The following KHDRBS2 variants were observed in gnomAD, a reference collection of about 807,000 sequenced individuals.
The protein encoded by KHDRBS2 is KH RNA binding domain containing, signal transduction associated 2, also known as KH domain-containing, RNA-binding, signal transduction-associated protein 2.
In KHDRBS2, 26 loss-of-function variants were observed where a neutral mutation model predicts 44.3. That is an observed-to-expected ratio of 0.59 (90% CI 0.43 to 0.81). The LOEUF is 0.81. Among genes scored for constraint, KHDRBS2 ranks in the 40% least tolerant of loss-of-function variants. KHDRBS2 has a pLI of 0.00. For missense variants in KHDRBS2, 476 were observed against 433.1 expected, an observed-to-expected ratio of 1.10 and a Z score of -0.88; for synonymous variants, 194 against 151.1, an observed-to-expected ratio of 1.28 and a Z score of -2.08.
chr6:61,672,964 G>T, the KHDRBS2 span, among the ~76,000 whole-genome samples: 4 of 151,958 alleles, frequency 2.6e-5, no homozygotes, highest in African/African-American at 4.8e-5. Flanking sequence ...TTCTTCTAGG[G>T]TTTTTATGGT....
chr6:61,836,289 G>T (rs1792654003), intron 6 of KHDRBS2, among the ~76,000 whole-genome samples: 1 of 151,862 alleles, frequency 6.6e-6, no homozygotes, highest in African/African-American at 2.4e-5. Flanking sequence ...AACCAATGCA[G>T]GAATCTTAGT....
the KHDRBS2 span, among the ~76,000 whole-genome samples, chr6:61,560,031 C>A: frequency 6.6e-6 from 1 of 152,060 alleles, no homozygotes; most frequent in South Asian, 2.1e-4. Context: ...TTTGCTTGGG[C>A]AAATCTTTAT....
At chr6:62,135,501 T>C (rs762139744) in intron 2 of KHDRBS2, among the ~76,000 whole-genome samples, 2 of 152,204 alleles carry the variant, frequency 1.3e-5, no homozygotes, top group Non-Finnish European at 2.9e-5. Flanking sequence ...ATAGAGCTAC[T>C]GTATGACCCA....
intron 4 of KHDRBS2, among the ~76,000 whole-genome samples, chr6:61,937,511 T>G (rs1753488732): frequency 6.6e-6 from 1 of 152,210 alleles, no homozygotes; most frequent in South Asian, 2.1e-4. Context: ...TGATGTGTCT[T>G]ATGTTTATTG....
chr6:61,571,811 G>A, the KHDRBS2 span, among the ~76,000 whole-genome samples: 1 of 151,974 alleles, frequency 6.6e-6, no homozygotes, highest in Non-Finnish European at 1.5e-5. Flanking sequence ...AGCATACATT[G>A]TACAAAAGCA....
chr6:61,827,032 T>C (rs1463983319), intron 6 of KHDRBS2, among the ~76,000 whole-genome samples: 1 of 152,228 alleles, frequency 6.6e-6, no homozygotes, highest in African/African-American at 2.4e-5. Context: ...GTTTACTTCA[T>C]TAGAAAATAT....
At chr6:61,872,035 A>ATGCCTGTG (rs1798737795) in intron 6 of KHDRBS2, among the ~76,000 whole-genome samples, 1 of 152,180 alleles carries the variant, frequency 6.6e-6, no homozygotes, top group African/African-American at 2.4e-5. Flanking sequence ...TGGTGCGTGT[A>ATGCCTGTG]TGCCTGTGTA....
intron 1 of KHDRBS2, among the ~76,000 whole-genome samples, chr6:62,199,870 C>T (rs1388052060): frequency 2.0e-5 from 3 of 152,156 alleles, no homozygotes; most frequent in East Asian, 1.9e-4. Flanking sequence ...CAGCATGGTA[C>T]TGGTACTAAA....
At chr6:61,611,036 A>T in the KHDRBS2 span, among the ~76,000 whole-genome samples, 1 of 152,322 alleles carries the variant, frequency 6.6e-6, no homozygotes, top group East Asian at 1.9e-4. Context: ...CTAGATGGAA[A>T]CTGCGTTTTG....
At chr6:62,260,860 C>A (rs1260491463) in intron 1 of KHDRBS2, among the ~76,000 whole-genome samples, 1 of 151,696 alleles carries the variant, frequency 6.6e-6, no homozygotes, top group Non-Finnish European at 1.5e-5. Context: ...AAGAACCGGG[C>A]AAAATTAAGA....
At chr6:61,760,663 G>C (rs1026332238) in intron 6 of KHDRBS2, among the ~76,000 whole-genome samples, 1 of 151,734 alleles carries the variant, frequency 6.6e-6, no homozygotes, top group African/African-American at 2.4e-5. Flanking sequence ...GAAAAAAAAA[G>C]AAAAGCCATT....
intron 2 of KHDRBS2, among the ~76,000 whole-genome samples, chr6:62,153,799 T>C (rs73758686): frequency 0.011 from 1,614 of 152,270 alleles, 36 homozygotes; most frequent in African/African-American, 0.036. Flanking sequence ...ATGTATATAG[T>C]CTAAGGGAGA....
chr6:61,649,736 T>G, the KHDRBS2 span, among the ~76,000 whole-genome samples: 159 of 152,280 alleles, frequency 1.0e-3, no homozygotes, highest in African/African-American at 3.7e-3. Flanking sequence ...TACCTCCTAA[T>G]TGTCTCTCAT....
At chr6:62,201,092 G>T (rs1408942713) in intron 1 of KHDRBS2, among the ~76,000 whole-genome samples, 4 of 152,118 alleles carry the variant, frequency 2.6e-5, no homozygotes, top group African/African-American at 7.2e-5. Context: ...TTTGGGGTGA[G>T]GGGAGCAGGG....
In KHDRBS2 at chr6:62,056,315, A is replaced by G. The variant is rs868774370; in HGVS notation, c.220-8321T>C. On this transcript the variant is annotated intron_variant, in intron 2 of 8. Transcript: ENST00000281156. ...TTTGATTGAAAATTCATCTACACATATAACGCTTTACATAAAACTCATAAA... is the reference window on the plus strand; with the variant it reads ...TTTGATTGAAAATTCATCTACACATGTAACGCTTTACATAAAACTCATAAA... 3.9e-5 allele frequency among the ~76,000 whole-genome samples: 6 copies of G among 152,004 alleles called. No individual in the cohort carries two copies. In the South Asian group the frequency reaches 8.3e-4, roughly 21 times the overall value.
chr6:61,701,475 T>C (rs1183794650), intron 7 of KHDRBS2, among the ~76,000 whole-genome samples: 2 of 151,916 alleles, frequency 1.3e-5, no homozygotes, highest in African/African-American at 2.4e-5. Flanking sequence ...ATATGACCCC[T>C]AGAACAATCC....
At chr6:61,637,134 T>C in the KHDRBS2 span, among the ~76,000 whole-genome samples, 4 of 152,228 alleles carry the variant, frequency 2.6e-5, no homozygotes, top group Non-Finnish European at 5.9e-5. Context: ...CTGTACCCAC[T>C]AACTCGTCAT....
At chr6:61,838,846 A>G (rs1245011457) in intron 6 of KHDRBS2, among the ~76,000 whole-genome samples, 2 of 152,006 alleles carry the variant, frequency 1.3e-5, no homozygotes, top group Non-Finnish European at 2.9e-5. Flanking sequence ...TACAATCCAA[A>G]TGCATTCATA....
the KHDRBS2 span, among the ~76,000 whole-genome samples, chr6:61,545,693 C>T: frequency 2.8e-4 from 42 of 151,920 alleles, no homozygotes; most frequent in Non-Finnish European, 4.9e-4. Flanking sequence ...TCTGTGTCTC[C>T]CCCACCCCAA....
Sources: gnomAD v4.1 joint callset for allele counts (sites outside exome capture counted in the v4.1 genomes callset) on GRCh38, gnomAD v4.1.1 for gene constraint, MANE v1.5 for transcripts, NCBI Gene and HGNC (gene_info 2026-07-23, HGNC 2026-07-21) for gene names.